The following ABTB2 variants were observed in gnomAD, a reference collection of about 807,000 sequenced individuals.
ABTB2 encodes ankyrin repeat and BTB domain containing 2, also known as ankyrin repeat and BTB/POZ domain-containing protein 2.
In ABTB2, 56 loss-of-function variants were observed where a neutral mutation model predicts 104.1. That is an observed-to-expected ratio of 0.54 (90% CI 0.43 to 0.67). The LOEUF (loss-of-function observed/expected upper bound fraction) is 0.67, where lower values mean the gene tolerates loss of function less well. Ranked by LOEUF, ABTB2 falls within the 30% of genes least tolerant of loss-of-function variation. ABTB2 has a pLI of 0.00. For missense variants in ABTB2, 1,279 were observed against 1,407.7 expected (o/e 0.91, Z 1.46); for synonymous variants, 606 against 608.2 (o/e 1.00, Z 0.05).
intron 1 of ABTB2, among the ~76,000 whole-genome samples, chr11:34,269,490 T>C (rs1265987103): frequency 6.6e-6 from 1 of 152,178 alleles, no homozygotes; most frequent in Admixed American, 6.5e-5. Context: ...TGGTAAGCTT[T>C]CTCTAAGGGT....
intron 1 of ABTB2, among the ~76,000 whole-genome samples, chr11:34,249,259 C>T (rs745603547): frequency 6.6e-6 from 1 of 152,216 alleles, no homozygotes; most frequent in Non-Finnish European, 1.5e-5. Flanking sequence ...ATGACTGAAG[C>T]TCATGCCTTT....
intron 2 of ABTB2, among the ~76,000 whole-genome samples, chr11:34,199,875 A>G (rs1263281517): frequency 6.6e-6 from 1 of 152,148 alleles, no homozygotes; most frequent in African/African-American, 2.4e-5. Flanking sequence ...GTTATAATTA[A>G]TGTCCTATTA....
At chr11:34,340,499 A>G (rs1478368452) in intron 1 of ABTB2, among the ~76,000 whole-genome samples, 1 of 152,206 alleles carries the variant, frequency 6.6e-6, no homozygotes, top group Non-Finnish European at 1.5e-5. Flanking sequence ...TGGGGGAGTC[A>G]AGGTGCGAAC....
chr11:34,352,079 G>A (rs1248699624), intron 1 of ABTB2, among the ~76,000 whole-genome samples: 1 of 152,150 alleles, frequency 6.6e-6, no homozygotes, highest in Non-Finnish European at 1.5e-5. Context: ...CACCTGACAA[G>A]CTCAATCAAC....
At chr11:34,286,931 C>T (rs137859820) in intron 1 of ABTB2, among the ~76,000 whole-genome samples, 3 of 152,166 alleles carry the variant, frequency 2.0e-5, no homozygotes, top group African/African-American at 7.2e-5. Flanking sequence ...TGGTGGTTGC[C>T]GGGGCTGGGG....
In ABTB2 at chr11:34,151,431, A is replaced by AGAG. The variant is rs1399284907; in HGVS notation, c.*953_*955dup. On this transcript the variant is annotated 3_prime_UTR_variant, in exon 17 of 17. Transcript: ENST00000435224. ...TCAATGCCCTGTCCTTTAATCTCCA[A>AGAG]GAGTCACAGTCCCCAGTGGGACCTG... The AGAG allele has an allele frequency of 2.1e-4, 32 of 152,348 alleles. No individual in the cohort carries two copies. The highest frequency in any genetic ancestry group is 7.7e-4 in the African/African-American group (32 of 41,570). The allele number at this position is 152,348 out of a possible 1,614,324, so 9.4% of individuals were successfully genotyped here.
chr11:34,284,481 G>A (rs1314817242), intron 1 of ABTB2, among the ~76,000 whole-genome samples: 3 of 152,188 alleles, frequency 2.0e-5, no homozygotes, highest in Non-Finnish European at 4.4e-5. Context: ...CAGCACCAAA[G>A]CTTCTATTCA....
chr11:34,241,519 C>T (rs1005932554), intron 1 of ABTB2, among the ~76,000 whole-genome samples: 6 of 152,118 alleles, frequency 3.9e-5, no homozygotes, highest in African/African-American at 1.4e-4. Context: ...CCCAAGAGTC[C>T]AGGTTTGAGA....
At chr11:34,182,390 C>T (rs182626988) in intron 3 of ABTB2, among the ~76,000 whole-genome samples, 12 of 151,994 alleles carry the variant, frequency 7.9e-5, no homozygotes, top group Admixed American at 2.6e-4. Context: ...GACCCCCAGC[C>T]TCATCTCCTC....
At chr11:34,177,212 G>A (rs909175974) in intron 3 of ABTB2, among the ~76,000 whole-genome samples, 8 of 152,190 alleles carry the variant, frequency 5.3e-5, no homozygotes, top group Non-Finnish European at 8.8e-5. Context: ...GAGGGAATTC[G>A]GGAAATCATG....
chr11:34,235,650 C>T (rs958384232), intron 1 of ABTB2, among the ~76,000 whole-genome samples: 8 of 152,174 alleles, frequency 5.3e-5, no homozygotes, highest in African/African-American at 1.9e-4. Flanking sequence ...CTATCAGAGC[C>T]ATCCAGGACC....
At chr11:34,292,653 G>A (rs1469655555) in intron 1 of ABTB2, among the ~76,000 whole-genome samples, 3 of 152,212 alleles carry the variant, frequency 2.0e-5, no homozygotes, top group Non-Finnish European at 4.4e-5. Context: ...ATACAGGTAT[G>A]GCAGATAGCA....
chr11:34,339,408 C>T (rs531407070), intron 1 of ABTB2, among the ~76,000 whole-genome samples: 8 of 152,252 alleles, frequency 5.3e-5, no homozygotes, highest in South Asian at 4.2e-4. Context: ...ACAATGAAGG[C>T]GACCACAGCA....
At chr11:34,231,459 G>A (rs1853768129) in intron 1 of ABTB2, among the ~76,000 whole-genome samples, 1 of 152,176 alleles carries the variant, frequency 6.6e-6, no homozygotes. Flanking sequence ...GTGGCCTGAG[G>A]GGCGGGAGTG....
chr11:34,301,058 A>G (rs1854699413), intron 1 of ABTB2, among the ~76,000 whole-genome samples: 1 of 152,168 alleles, frequency 6.6e-6, no homozygotes, highest in Non-Finnish European at 1.5e-5. Context: ...CTTTATCAAC[A>G]TCTTTGTGGT....
intron 14 of ABTB2, among the ~76,000 whole-genome samples, 163 bp downstream of exon 14, chr11:34,159,133 A>G (rs1852671948): frequency 6.6e-6 from 1 of 152,214 alleles, no homozygotes; most frequent in South Asian, 2.1e-4. Flanking sequence ...ACGGATGGCT[A>G]CCTCTGCACA....
intron 1 of ABTB2, among the ~76,000 whole-genome samples, chr11:34,245,093 CA>C (rs1853969453): frequency 6.6e-6 from 1 of 152,218 alleles, no homozygotes; most frequent in Non-Finnish European, 1.5e-5. Flanking sequence ...ATCTGGAACA[CA>C]AGTCCTCCAT....
At chr11:34,308,392 A>G (rs1293877898) in intron 1 of ABTB2, among the ~76,000 whole-genome samples, 1 of 152,214 alleles carries the variant, frequency 6.6e-6, no homozygotes, top group African/African-American at 2.4e-5. Flanking sequence ...GGGCTTAAAC[A>G]TTTACAACAC....
At position 34,220,655 on chromosome 11, in the gene ABTB2, A is replaced by G. The variant is rs186889193; in HGVS notation, c.884-15965T>C. 6.6e-5 allele frequency among the ~76,000 whole-genome samples: 10 copies of G among 152,336 alleles called. No individual in the cohort carries two copies. The East Asian group carries it at 1.7e-3, about 26-fold the overall frequency. ...GGCAGAAAGAGCCTGGCTCTCTCGC[A>G]GTCTCACCCAGCAGCTAAAAGACAC... On this transcript the variant is annotated intron_variant, in intron 1 of 16. Transcript: ENST00000435224.
Sources: allele counts gnomAD v4.1 joint callset (sites outside exome capture counted in the v4.1 genomes callset), GRCh38; gene constraint gnomAD v4.1.1; transcripts MANE v1.5; gene names NCBI Gene and HGNC (gene_info 2026-07-23, HGNC 2026-07-21).